The following CCNY variants were observed in gnomAD, a reference collection of about 807,000 sequenced individuals.
CCNY encodes cyclin-Y.
Under a neutral mutation model 42.8 loss-of-function variants are expected in CCNY, and 19 were observed. The observed-to-expected ratio is 0.44, with a 90% confidence interval of 0.31 to 0.65. The LOEUF is 0.65. Ranked by LOEUF, CCNY falls within the 30% of genes least tolerant of loss-of-function variation. CCNY has a pLI of 0.07. For missense variants in CCNY, 370 were observed against 437.3 expected (o/e 0.85, Z 1.37); for synonymous variants, 165 against 162.7 (o/e 1.01, Z -0.11).
At chr10:35,552,254 A>G (rs911002728) in intron 7 of CCNY, among the ~76,000 whole-genome samples, 2 of 152,246 alleles carry the variant, frequency 1.3e-5, no homozygotes, top group African/African-American at 4.8e-5. Context: ...GCGAAGTGAT[A>G]ATAAGCCAGA....
chr10:35,492,184 G>C (rs1839912738), intron 2 of CCNY, among the ~76,000 whole-genome samples: 1 of 152,172 alleles, frequency 6.6e-6, no homozygotes, highest in Non-Finnish European at 1.5e-5. Flanking sequence ...CTGACCGTCT[G>C]TCTCCTCACC....
intron 1 of CCNY, among the ~76,000 whole-genome samples, chr10:35,429,920 T>C (rs1838348244): frequency 6.6e-6 from 1 of 152,236 alleles, no homozygotes; most frequent in Admixed American, 6.5e-5. Flanking sequence ...CAGTAGTGAC[T>C]GGCTCTGTTA....
At chr10:35,306,315 G>A (rs1236407609) in intron 3 of CCNY, among the ~76,000 whole-genome samples, 4 of 152,288 alleles carry the variant, frequency 2.6e-5, no homozygotes, top group South Asian at 4.1e-4. Context: ...GATTACAGGC[G>A]TGAGCCACCA....
rs114278643 is a variant in CCNY at position 35,377,464 on chromosome 10, G to A, written c.154+40257G>A. 3.3e-3 allele frequency among the ~76,000 whole-genome samples: 504 copies of A among 152,286 alleles called. 4 individuals are homozygous for A. Among genetic ancestry groups the A allele is most frequent in the African/African-American group, 0.011 (475 of 41,556 alleles). On this transcript the variant is annotated intron_variant, in intron 1 of 9. Coordinates refer to ENST00000374704, the MANE Select transcript of CCNY (RefSeq NM_145012.6). ...ACAGATTTGTAGCCTATGAACAACC[G>A]GCTGTCCTATATAACCAAGTGTGAA... is the stretch of plus-strand genomic sequence containing the variant.
intron 7 of CCNY, among the ~76,000 whole-genome samples, chr10:35,548,913 C>T (rs1841179418): frequency 6.6e-6 from 1 of 152,140 alleles, no homozygotes; most frequent in African/African-American, 2.4e-5. Flanking sequence ...TTCTAAGGAA[C>T]ATCTGATAAG....
chr10:35,523,642 T>G (rs543558707), intron 4 of CCNY, among the ~76,000 whole-genome samples: 1 of 152,354 alleles, frequency 6.6e-6, no homozygotes, highest in South Asian at 2.1e-4. Context: ...ATAGTGATCT[T>G]GGGGCCCTGA....
intron 1 of CCNY, among the ~76,000 whole-genome samples, chr10:35,477,276 A>G (rs2135355581): frequency 6.6e-6 from 1 of 152,250 alleles, no homozygotes; most frequent in South Asian, 2.1e-4. Flanking sequence ...AATCCTCCCT[A>G]ACTCATTTTA....
intron 3 of CCNY, chr10:35,250,752 G>A (rs1588998493): frequency 6.6e-6 from 1 of 152,254 alleles, no homozygotes; most frequent in Admixed American, 6.6e-5. Context: ...AAAGTAACAG[G>A]TTTATGTGTA....
intron 1 of CCNY, among the ~76,000 whole-genome samples, chr10:35,450,944 G>T (rs1310961761): frequency 6.6e-6 from 1 of 152,042 alleles, no homozygotes; most frequent in African/African-American, 2.4e-5. Context: ...TCAGCTTTAA[G>T]GTCCTTTGGT....
chr10:35,442,333 G>A (rs955596352), intron 1 of CCNY, among the ~76,000 whole-genome samples: 1 of 152,208 alleles, frequency 6.6e-6, no homozygotes, highest in Non-Finnish European at 1.5e-5. Flanking sequence ...AGCAATGTGA[G>A]TCATTAAAAG....
chr10:35,562,262 C>T (rs1841481552), intron 8 of CCNY, among the ~76,000 whole-genome samples: 1 of 152,178 alleles, frequency 6.6e-6, no homozygotes, highest in Non-Finnish European at 1.5e-5. Flanking sequence ...TTCAGTTCCT[C>T]TGTAGATACC....
intron 1 of CCNY, among the ~76,000 whole-genome samples, chr10:35,386,222 C>T (rs563217713): frequency 2.0e-5 from 3 of 152,294 alleles, no homozygotes; most frequent in Non-Finnish European, 2.9e-5. Context: ...TTTAAATCTT[C>T]GTATCGTGTC....
At chr10:35,297,768 G>C (rs1835488770) in intron 3 of CCNY, among the ~76,000 whole-genome samples, 2 of 152,050 alleles carry the variant, frequency 1.3e-5, no homozygotes, top group Admixed American at 1.3e-4. Flanking sequence ...AAATACCTAA[G>C]AATACAGCTA....
At chr10:35,475,017 T>C (rs1268774554) in intron 1 of CCNY, among the ~76,000 whole-genome samples, 10 of 152,068 alleles carry the variant, frequency 6.6e-5, no homozygotes, top group Non-Finnish European at 1.2e-4. Context: ...CCTCAGGAGC[T>C]GATGCGATCA....
intron 3 of CCNY, among the ~76,000 whole-genome samples, chr10:35,289,637 G>C (rs1160120109): frequency 1.3e-5 from 2 of 152,122 alleles, no homozygotes; most frequent in African/African-American, 4.8e-5. Context: ...ACTTTGGGAG[G>C]TCAAGGCAGG....
chr10:35,482,800 GT>G lies in CCNY; in HGVS notation c.155-602del, dbSNP rs1401893880. Among the ~76,000 whole-genome samples the G allele has an allele frequency of 9.5e-5, 13 of 136,676 alleles. No individual in the cohort carries two copies. In the East Asian group the frequency reaches 1.5e-3, roughly 16 times the overall value. 89.7% of individuals were successfully genotyped at this position (136,676 alleles called of 152,430 possible). A position where few individuals can be genotyped will look rare whatever the true frequency, so the allele number is the denominator to read the frequency against. On this transcript the variant is annotated intron_variant, in intron 1 of 9. Coordinates refer to ENST00000374704, the MANE Select transcript of CCNY (RefSeq NM_145012.6). Reference sequence around the variant, plus strand: ...TGTGTGTGTGTGTGTGTGTGTGTGTGTTATGTGTTTGAAATCTCTTGATTTT... The same window carrying G: ...TGTGTGTGTGTGTGTGTGTGTGTGTGTATGTGTTTGAAATCTCTTGATTTT...
intron 1 of CCNY, among the ~76,000 whole-genome samples, chr10:35,465,936 A>AGTGTGTGT (rs1273592792): frequency 2.6e-5 from 3 of 117,602 alleles, no homozygotes; most frequent in South Asian, 5.2e-4. Context: ...AGAGAGAGAG[A>AGTGTGTGT]GAGTGTGTGT....
intron 1 of CCNY, among the ~76,000 whole-genome samples, chr10:35,447,416 T>A (rs573505173): frequency 6.6e-6 from 1 of 152,348 alleles, no homozygotes; most frequent in Admixed American, 6.5e-5. Context: ...GAGCAATTTT[T>A]ATTTATATTT....
At chr10:35,556,148 G>C (rs1325728478) in intron 8 of CCNY, among the ~76,000 whole-genome samples, 1 of 152,200 alleles carries the variant, frequency 6.6e-6, no homozygotes, top group Non-Finnish European at 1.5e-5. Flanking sequence ...AGTGACTCAT[G>C]CAGCATTTGA....
Sources: allele counts gnomAD v4.1 joint callset (sites outside exome capture counted in the v4.1 genomes callset), GRCh38; gene constraint gnomAD v4.1.1; transcripts MANE v1.5; gene names NCBI Gene and HGNC (gene_info 2026-07-23, HGNC 2026-07-21).